Variants in ARB2A observed in about 807,000 individuals in gnomAD.
The protein encoded by ARB2A is cotranscriptional regulator ARB2A.
At chr5:93,645,501 G>A in the ARB2A span, among the ~76,000 whole-genome samples, 1 of 151,716 alleles carries the variant, frequency 6.6e-6, no homozygotes, top group African/African-American at 2.4e-5. Flanking sequence ...TTGAACCCAG[G>A]AGGTGGAGGT....
At chr5:93,811,536 G>A in the ARB2A span, among the ~76,000 whole-genome samples, 3 of 152,142 alleles carry the variant, frequency 2.0e-5, no homozygotes, top group East Asian at 5.8e-4. Context: ...AAACCGGGAC[G>A]TTGTCTGAGG....
chr5:93,851,902 C>T, the ARB2A span, among the ~76,000 whole-genome samples: 5 of 152,016 alleles, frequency 3.3e-5, no homozygotes, highest in African/African-American at 9.7e-5. Flanking sequence ...TGAATAGTGC[C>T]GCAATAAACA....
At chr5:93,686,017 G>T in the ARB2A span, among the ~76,000 whole-genome samples, 2 of 152,178 alleles carry the variant, frequency 1.3e-5, no homozygotes, top group African/African-American at 4.8e-5. Flanking sequence ...TACTGACTAT[G>T]TGTTAGGCAT....
At chr5:93,936,052 C>A in the ARB2A span, among the ~76,000 whole-genome samples, 6 of 152,024 alleles carry the variant, frequency 3.9e-5, no homozygotes, top group Admixed American at 1.3e-4. Flanking sequence ...TTTTATCATG[C>A]TTGAACATGG....
the ARB2A span, among the ~76,000 whole-genome samples, chr5:93,967,890 C>T: frequency 2.0e-5 from 3 of 152,046 alleles, no homozygotes; most frequent in Non-Finnish European, 4.4e-5. Flanking sequence ...TAAGTTACCA[C>T]CATATCAACA....
At chr5:93,649,856 G>A in the ARB2A span, among the ~76,000 whole-genome samples, 4 of 152,000 alleles carry the variant, frequency 2.6e-5, no homozygotes, top group South Asian at 4.2e-4. Context: ...AAAGTTAAGG[G>A]CAAAACTCAT....
the ARB2A span, among the ~76,000 whole-genome samples, chr5:93,811,641 G>C: frequency 6.6e-6 from 1 of 152,080 alleles, no homozygotes; most frequent in African/African-American, 2.4e-5. Context: ...GTTACAAAGT[G>C]AGGTCATACT....
At chr5:93,685,049 A>G in the ARB2A span, among the ~76,000 whole-genome samples, 1 of 152,228 alleles carries the variant, frequency 6.6e-6, no homozygotes. Context: ...CCTCATTGTG[A>G]GCAGACAACA....
At chr5:94,006,418 A>G in the ARB2A span, among the ~76,000 whole-genome samples, 2 of 152,328 alleles carry the variant, frequency 1.3e-5, no homozygotes, top group South Asian at 4.1e-4. Context: ...AAAGGACAAT[A>G]TAAGAGATCC....
chr5:93,914,048 G>A, the ARB2A span, among the ~76,000 whole-genome samples: 52 of 151,884 alleles, frequency 3.4e-4, no homozygotes, highest in Middle Eastern at 6.8e-3. Context: ...TTACAATCCC[G>A]CAGATTTAGA....
the ARB2A span, among the ~76,000 whole-genome samples, chr5:93,822,173 AAAAC>A: frequency 6.6e-6 from 1 of 152,202 alleles, no homozygotes; most frequent in Non-Finnish European, 1.5e-5. Context: ...GTGATGGAGA[AAAAC>A]TTTAGCTCAG....
At chr5:93,694,183 G>A in the ARB2A span, among the ~76,000 whole-genome samples, 6 of 152,278 alleles carry the variant, frequency 3.9e-5, no homozygotes, top group Non-Finnish European at 8.8e-5. Flanking sequence ...TGGAAGTTCT[G>A]GCCAGGGAGA....
At chr5:94,067,235 T>C in the ARB2A span, among the ~76,000 whole-genome samples, 2 of 152,140 alleles carry the variant, frequency 1.3e-5, no homozygotes, top group Non-Finnish European at 2.9e-5. Flanking sequence ...ACAAACATCA[T>C]AATGAATGGA....
the ARB2A span, among the ~76,000 whole-genome samples, chr5:93,930,549 A>T: frequency 6.6e-6 from 1 of 152,356 alleles, no homozygotes; most frequent in East Asian, 1.9e-4. Flanking sequence ...AAGAATATTT[A>T]AAAATTTCAA....
At chr5:93,803,016 T>G in the ARB2A span, among the ~76,000 whole-genome samples, 1 of 152,072 alleles carries the variant, frequency 6.6e-6, no homozygotes, top group African/African-American at 2.4e-5. Context: ...GGACACACAT[T>G]TTGTTGCATT....
the ARB2A span, among the ~76,000 whole-genome samples, chr5:93,809,819 T>C: frequency 6.6e-6 from 1 of 152,008 alleles, no homozygotes; most frequent in Non-Finnish European, 1.5e-5. Context: ...TTACAGTAAG[T>C]AAAATACAAA....
chr5:93,802,510 A>G, the ARB2A span, among the ~76,000 whole-genome samples: 1 of 152,130 alleles, frequency 6.6e-6, no homozygotes, highest in South Asian at 2.1e-4. Flanking sequence ...GGCAAGAAAA[A>G]TTCAAGGCTA....
At chr5:93,743,317 A>ATC in the ARB2A span, 1 of 153,952 alleles carries the variant, frequency 6.5e-6, no homozygotes, top group African/African-American at 2.4e-5. Flanking sequence ...TCACTGCTAG[A>ATC]TCCTCAGCAC....
At chr5:93,982,817 G>A in the ARB2A span, among the ~76,000 whole-genome samples, 14 of 152,222 alleles carry the variant, frequency 9.2e-5, no homozygotes, top group Non-Finnish European at 1.8e-4. Flanking sequence ...CACTTTGGGA[G>A]GCTGAGGTGG....
Sources: allele counts gnomAD v4.1 joint callset (sites outside exome capture counted in the v4.1 genomes callset), GRCh38; gene constraint gnomAD v4.1.1; transcripts MANE v1.5; gene names NCBI Gene and HGNC (gene_info 2026-07-23, HGNC 2026-07-21).